CCDC18: variants seen among roughly 807,000 people sequenced by gnomAD.
CCDC18 encodes the protein coiled-coil domain containing 18.
A neutral mutation model predicts 196.0 loss-of-function variants in CCDC18; 157 were observed. The ratio of observed to expected loss-of-function variants is 0.80; its 90% CI spans 0.70 to 0.91. The LOEUF is 0.91. Among genes scored for constraint, CCDC18 ranks in the 40% least tolerant of loss-of-function variants. CCDC18 has a pLI of 0.00. For synonymous variants in CCDC18, 482 were observed against 529.2 expected, an observed-to-expected ratio of 0.91 and a Z score of 1.22; for missense variants, 1,465 against 1,611.6, an observed-to-expected ratio of 0.91 and a Z score of 1.56.
In CCDC18 at chr1:93,194,174, T is replaced by G. The variant is rs186542752; in HGVS notation, c.698+430T>G. On this transcript the variant is annotated intron_variant, in intron 6 of 28. Coordinates refer to ENST00000690025, the MANE Select transcript of CCDC18 (RefSeq NM_001378204.1). ...GAAAGAAACTCAATGCCTGTGAATG[T>G]GTGCTTGGATCTTCCTTTAGAAATA... Among the ~76,000 whole-genome samples, 10 of 152,258 alleles carry G rather than the reference T, an allele frequency of 6.6e-5. No homozygotes were observed. The East Asian group carries it at 1.9e-3, about 29-fold the overall frequency.
At chr1:93,271,631 T>A in intron 28 of CCDC18, 1 of 789,364 alleles carries the variant, frequency 1.3e-6, no homozygotes, top group Non-Finnish European at 1.5e-6. Context: ...GCCCAGGAGT[T>A]TGAGACAAGT....
chr1:93,233,289 T>G (rs1036254522), intron 18 of CCDC18, among the ~76,000 whole-genome samples: 5 of 152,320 alleles, frequency 3.3e-5, no homozygotes, highest in South Asian at 2.1e-4. Flanking sequence ...AAATTAAAAA[T>G]TATTACTTAC....
In CCDC18 at chr1:93,221,941, G is replaced by A; in HGVS notation, c.2175+5G>A. ...GTATCTGAAGAAACAATCAAGGCTA[G>A]TATGCTAATACTTTATTTTTCTTTC... On this transcript the variant is annotated splice_donor_5th_base_variant and intron_variant, in intron 16 of 28. Coordinates refer to ENST00000690025, the MANE Select transcript of CCDC18 (RefSeq NM_001378204.1). The A allele has an allele frequency of 6.6e-7, 1 of 1,510,594 alleles. No homozygotes were observed. Among genetic ancestry groups the A allele is most frequent in the Non-Finnish European group, 9.0e-7 (1 of 1,106,000 alleles). The allele number at this position is 1,510,594 out of a possible 1,614,324, so 93.6% of individuals were successfully genotyped here.
At chr1:93,220,321 T>C (rs1657203495) in intron 14 of CCDC18, among the ~76,000 whole-genome samples, 1 of 152,160 alleles carries the variant, frequency 6.6e-6, no homozygotes, top group African/African-American at 2.4e-5. Context: ...ATAAAGACAT[T>C]CTTAGATGAA....
In CCDC18 at chr1:93,205,655, A is replaced by C; in HGVS notation, c.917+24A>C. 1.9e-6 allele frequency: 3 copies of C among 1,564,400 alleles called. No homozygotes were observed. The South Asian group carries it at 3.6e-5, about 19-fold the overall frequency. ...AGGTACAGTATTCTGTTGTAGAAAA[A>C]GGATTTTTGTGTGGACATGGAAAAA... On this transcript the variant is annotated intron_variant, in intron 8 of 28. Coordinates refer to ENST00000690025, the MANE Select transcript of CCDC18 (RefSeq NM_001378204.1).
intron 9 of CCDC18, among the ~76,000 whole-genome samples, chr1:93,209,075 C>T (rs908617323): frequency 1.3e-5 from 2 of 152,194 alleles, no homozygotes; most frequent in Admixed American, 6.5e-5. Context: ...TCTCCTGCCT[C>T]AGCCTCCTGA....
In CCDC18 at chr1:93,270,654, AC is replaced by A. The variant is rs1431767819; in HGVS notation, c.4194del (p.Tyr1398Ter). 6.5e-7 allele frequency: 1 copy of A among 1,550,334 alleles called. No homozygotes were observed. The highest frequency in any genetic ancestry group is 2.4e-5 in the East Asian group (1 of 40,896). ...TLEESHKNLT[Y>X]TQPDSFKPLT... ...GAAGAAAGCCATAAGAATCTGACTT[AC>A]ACCCAGCCAGACTCATTTAAACCTC... On this transcript the variant is annotated frameshift_variant, in exon 28 of 29. Transcript: ENST00000690025. LOFTEE classifies it high-confidence loss of function.
At chr1:93,180,392 C>A, upstream of CCDC18, 1 of 1,252,344 alleles carries the variant, frequency 8.0e-7, no homozygotes, top group Non-Finnish European at 1.1e-6. Context: ...ACACTCCCTC[C>A]GAAAGAGAAG....
intron 27 of CCDC18, among the ~76,000 whole-genome samples, chr1:93,269,392 T>C (rs1042957174): frequency 2.0e-5 from 3 of 151,888 alleles, no homozygotes; most frequent in African/African-American, 4.8e-5. Flanking sequence ...AACCTGCACG[T>C]TGAGTACATG....
At chr1:93,205,025 T>G (rs1002840963) in intron 7 of CCDC18, among the ~76,000 whole-genome samples, 26 of 152,050 alleles carry the variant, frequency 1.7e-4, no homozygotes, top group African/African-American at 6.3e-4. Context: ...TTGCAAACAA[T>G]GCTCAGCAAA....
intron 16 of CCDC18, among the ~76,000 whole-genome samples, chr1:93,223,762 C>G (rs978149984): frequency 1.3e-5 from 2 of 152,116 alleles, no homozygotes; most frequent in African/African-American, 4.8e-5. Flanking sequence ...AAGTCTTAAA[C>G]ATAAAAGAAG....
chr1:93,187,635 T>G (rs911372232), intron 4 of CCDC18, among the ~76,000 whole-genome samples: 2 of 152,154 alleles, frequency 1.3e-5, no homozygotes, highest in Non-Finnish European at 2.9e-5. Context: ...ATTTTTCTTT[T>G]CTGTTTTTTC....
At chr1:93,222,059 T>A in intron 16 of CCDC18, 123 bp downstream of exon 16, 1 of 614,568 alleles carries the variant, frequency 1.6e-6, no homozygotes, top group Non-Finnish European at 2.7e-6. Context: ...AACCTTGAAC[T>A]CCTGAGCTCA....
At chr1:93,246,811 G>T in intron 22 of CCDC18, 27 bp from the exon 23 acceptor site, 2 of 1,008,788 alleles carry the variant, frequency 2.0e-6, no homozygotes, top group South Asian at 2.7e-5. Flanking sequence ...GAATAAAATT[G>T]AACAACAGTT....
intron 28 of CCDC18, chr1:93,271,494 G>A (rs1312521732): frequency 2.0e-6 from 2 of 985,290 alleles, no homozygotes; most frequent in Non-Finnish European, 2.4e-6. Flanking sequence ...TGTATCTTCA[G>A]GCTTCTTTAT....
At chr1:93,202,592 G>T (rs1654014583) in intron 7 of CCDC18, among the ~76,000 whole-genome samples, 1 of 152,178 alleles carries the variant, frequency 6.6e-6, no homozygotes, top group Non-Finnish European at 1.5e-5. Context: ...TCTTGAGATA[G>T]CAATGAAAGC....
intron 27 of CCDC18, among the ~76,000 whole-genome samples, chr1:93,269,391 G>A (rs946688028): frequency 4.0e-5 from 6 of 150,802 alleles, no homozygotes; most frequent in African/African-American, 7.3e-5. Context: ...AAACCTGCAC[G>A]TTGAGTACAT....
intron 21 of CCDC18, 71 bp from the exon 22 acceptor site, chr1:93,246,034 G>T: frequency 1.0e-6 from 1 of 971,812 alleles, no homozygotes; most frequent in South Asian, 2.2e-5. Context: ...GAGGTAACCT[G>T]GTTGACCTAA....
chr1:93,204,181 G>A (rs1369285247), intron 7 of CCDC18, among the ~76,000 whole-genome samples: 1 of 152,060 alleles, frequency 6.6e-6, no homozygotes, highest in African/African-American at 2.4e-5. Context: ...AGGAATAAAA[G>A]ATGGCACAAG....
Sources: gnomAD v4.1 joint callset for allele counts (sites outside exome capture counted in the v4.1 genomes callset) on GRCh38, gnomAD v4.1.1 for gene constraint, MANE v1.5 for transcripts, NCBI Gene and HGNC (gene_info 2026-07-23, HGNC 2026-07-21) for gene names.